Variants in STK10 observed in about 807,000 individuals in gnomAD.
STK10 encodes the protein serine/threonine-protein kinase 10.
STK10 carries 78 observed loss-of-function variants against 113.8 expected under a neutral mutation model. That is an observed-to-expected ratio of 0.69 (90% CI 0.57 to 0.83). The LOEUF (loss-of-function observed/expected upper bound fraction) is 0.83. Among genes scored for constraint, STK10 ranks in the 40% least tolerant of loss-of-function variants. The pLI is 0.00. For synonymous variants in STK10, 465 were observed against 494.7 expected (o/e 0.94, Z 0.80); for missense variants, 1,109 against 1,280.1 (o/e 0.87, Z 2.04).
chr5:172,049,664 C>T (rs1000355003), intron 18 of STK10, among the ~76,000 whole-genome samples: 10 of 152,134 alleles, frequency 6.6e-5, no homozygotes, highest in Non-Finnish European at 1.5e-4. Context: ...ACACAGTTTG[C>T]TTTTTCATTG....
At chr5:172,087,936 AT>A (rs893256450) in intron 10 of STK10, among the ~76,000 whole-genome samples, 1 of 150,788 alleles carries the variant, frequency 6.6e-6, no homozygotes, top group Non-Finnish European at 1.5e-5. Flanking sequence ...CCTTAAATTT[AT>A]TTTTGAGAGA....
chr5:172,136,155 G>C (rs1161239326), intron 2 of STK10, among the ~76,000 whole-genome samples: 1 of 152,160 alleles, frequency 6.6e-6, no homozygotes, highest in East Asian at 1.9e-4. Context: ...GACTATCAGA[G>C]AGTACTATGA....
intron 7 of STK10, among the ~76,000 whole-genome samples, chr5:172,099,874 T>G (rs1768943709): frequency 6.6e-6 from 1 of 152,210 alleles, no homozygotes; most frequent in South Asian, 2.1e-4. Context: ...AATCAGTGGC[T>G]TTTCAGCACG....
rs1430262539 is a variant in STK10 at position 172,168,201 on chromosome 5, T to C, written c.157-11413A>G. ...CCACTGGAACCAAAGCAGGGCTTGG[T>C]CTGGGTGTCACACAATGTACAGCTG... On this transcript the variant is annotated intron_variant, in intron 1 of 18. Transcript: ENST00000176763. 2.0e-5 allele frequency among the ~76,000 whole-genome samples: 3 copies of C among 152,194 alleles called. No homozygotes were observed. In the South Asian group the frequency reaches 6.2e-4, roughly 32 times the overall value.
At chr5:172,081,203 T>C (rs1408255974) in intron 12 of STK10, among the ~76,000 whole-genome samples, 1 of 151,794 alleles carries the variant, frequency 6.6e-6, no homozygotes, top group Non-Finnish European at 1.5e-5. Flanking sequence ...ATACAAAAAT[T>C]AGCCAAGCGT....
chr5:172,175,304 G>GT lies in STK10; in HGVS notation c.156+12582_156+12583insA, dbSNP rs573256617. Reference sequence around the variant, plus strand: ...TAGTATGAAAAAATCGGTAAGCTATGGGGGGAGAAGGGAAAAAATGCATCA... The same window carrying GT: ...TAGTATGAAAAAATCGGTAAGCTATGTGGGGGAGAAGGGAAAAAATGCATCA... On this transcript the variant is annotated intron_variant, in intron 1 of 18. Coordinates refer to ENST00000176763, the MANE Select transcript of STK10 (RefSeq NM_005990.4). Among the ~76,000 whole-genome samples, 34 of 152,204 alleles carry GT rather than the reference G, an allele frequency of 2.2e-4. 1 individual carries two copies. The highest frequency in any genetic ancestry group is 6.8e-3 in the Middle Eastern group (2 of 294).
At chr5:172,117,435 A>C in intron 4 of STK10, 46 bp downstream of exon 4, 1 of 1,602,512 alleles carries the variant, frequency 6.2e-7, no homozygotes, top group Non-Finnish European at 8.5e-7. Context: ...CAACACCCCC[A>C]GGCAGACACC....
chr5:172,061,351 C>G, intron 13 of STK10, 83 bp from the exon 14 acceptor site: 1 of 1,483,680 alleles, frequency 6.7e-7, no homozygotes, highest in Non-Finnish European at 8.9e-7. Context: ...GAGAAAAGCC[C>G]GCGTGATCAG....
chr5:172,149,097 G>T (rs932048205), intron 2 of STK10, among the ~76,000 whole-genome samples: 4 of 152,132 alleles, frequency 2.6e-5, no homozygotes, highest in East Asian at 3.9e-4. Context: ...AGCCTGGGAG[G>T]CAGAGGTTGC....
At chr5:172,086,582 T>C (rs1422519380) in intron 10 of STK10, among the ~76,000 whole-genome samples, 1 of 152,166 alleles carries the variant, frequency 6.6e-6, no homozygotes, top group Non-Finnish European at 1.5e-5. Context: ...CCCGGAAGCC[T>C]CATCAGTCTG....
At chr5:172,092,261 C>T (rs1365418012) in intron 9 of STK10, among the ~76,000 whole-genome samples, 1 of 152,172 alleles carries the variant, frequency 6.6e-6, no homozygotes, top group African/African-American at 2.4e-5. Context: ...GGAACAGGCT[C>T]CTAGTCACGC....
intron 2 of STK10, among the ~76,000 whole-genome samples, chr5:172,138,047 A>G (rs1274616979): frequency 1.3e-5 from 2 of 152,206 alleles, no homozygotes; most frequent in African/African-American, 2.4e-5. Flanking sequence ...CATAGCACTG[A>G]GAGTCCTAGC....
intron 1 of STK10, among the ~76,000 whole-genome samples, chr5:172,183,828 T>G (rs1362761438): frequency 6.6e-6 from 1 of 152,204 alleles, no homozygotes; most frequent in Non-Finnish European, 1.5e-5. Context: ...TGCATTCACA[T>G]AGGCATTGAG....
At chr5:172,090,122 C>A in intron 10 of STK10, 110 bp downstream of exon 10, 1 of 1,470,636 alleles carries the variant, frequency 6.8e-7, no homozygotes, top group Non-Finnish European at 9.1e-7. Context: ...CTCCTTGATT[C>A]CCCCACTTCA....
intron 10 of STK10, among the ~76,000 whole-genome samples, chr5:172,084,549 T>C (rs968204935): frequency 2.6e-5 from 4 of 152,112 alleles, no homozygotes; most frequent in Admixed American, 6.6e-5. Flanking sequence ...CACACATATA[T>C]GTATTGTTTA....
chr5:172,143,757 G>A (rs943612554), intron 2 of STK10, among the ~76,000 whole-genome samples: 1 of 152,200 alleles, frequency 6.6e-6, no homozygotes, highest in African/African-American at 2.4e-5. Context: ...CTTTATCCTT[G>A]AAGAAGCAGT....
At chr5:172,183,709 G>C (rs1158235615) in intron 1 of STK10, among the ~76,000 whole-genome samples, 1 of 152,068 alleles carries the variant, frequency 6.6e-6, no homozygotes, top group Non-Finnish European at 1.5e-5. Context: ...CACCAGCCTC[G>C]GCCTCCCAAA....
At chr5:172,072,414 A>C (rs926885695) in intron 12 of STK10, among the ~76,000 whole-genome samples, 3 of 152,022 alleles carry the variant, frequency 2.0e-5, no homozygotes, top group South Asian at 2.1e-4. Context: ...CTACAGGCGC[A>C]CACTGCCACG....
At position 172,187,824 on chromosome 5, in the gene STK10, C is replaced by T; in HGVS notation, c.156+63G>A. On this transcript the variant is annotated intron_variant, in intron 1 of 18. Transcript: ENST00000176763. The surrounding 1 kb of genome is among the most constrained non-coding windows in gnomAD (Gnocchi z 4.6). The stretch of plus-strand genomic sequence containing the variant: ...GGAGCCAGGCTGGCCGGGTCCGGCT[C>T]AGGCATCCCTTCCTTCCGGAGCCCC... The T allele has an allele frequency of 6.3e-7, 1 of 1,582,248 alleles. No homozygotes were observed.
Sources: gnomAD v4.1 joint callset for allele counts (sites outside exome capture counted in the v4.1 genomes callset) on GRCh38, gnomAD v4.1.1 for gene constraint, Gnocchi (gnomAD v3.1) non-coding constraint, MANE v1.5 for transcripts, NCBI Gene and HGNC (gene_info 2026-07-23, HGNC 2026-07-21) for gene names.